CSMD1: variants seen among roughly 807,000 people sequenced by gnomAD.
The protein encoded by CSMD1 is CUB and Sushi multiple domains 1, also known as CUB and sushi domain-containing protein 1.
CSMD1 carries 213 observed loss-of-function variants against 417.5 expected under a neutral mutation model. That is an observed-to-expected ratio of 0.51 (90% CI 0.46 to 0.57). The LOEUF is 0.57. CSMD1 is among the 20% of genes least tolerant of loss of function. The probability of loss-of-function intolerance (pLI) is 0.00; values close to 1 mark genes in which losing one functional copy is unlikely to be tolerated. For missense variants in CSMD1, 6,923 were observed against 4,529.7 expected, an observed-to-expected ratio of 1.53 and a Z score of -15.17; for synonymous variants, 2,862 against 1,736.8, an observed-to-expected ratio of 1.65 and a Z score of -16.11.
intron 65 of CSMD1, among the ~76,000 whole-genome samples, chr8:2,952,682 T>TA (rs199781430): frequency 2.1e-5 from 3 of 145,002 alleles, no homozygotes; most frequent in East Asian, 2.1e-4. Flanking sequence ...TTAAAGTACA[T>TA]AAAAAATATC....
At chr8:4,826,163 T>C (rs376076220) in intron 1 of CSMD1, among the ~76,000 whole-genome samples, 15 of 152,162 alleles carry the variant, frequency 9.9e-5, no homozygotes, top group African/African-American at 3.6e-4. Context: ...CAAATCAGGA[T>C]CTTGTAGAGA....
intron 3 of CSMD1, among the ~76,000 whole-genome samples, chr8:4,314,824 G>A (rs1313509314): frequency 6.6e-6 from 1 of 152,186 alleles, no homozygotes; most frequent in African/African-American, 2.4e-5. Flanking sequence ...AAAGGGCAAA[G>A]GATTTTGTAA....
chr8:3,843,492 T>C (rs1803267499), intron 5 of CSMD1, among the ~76,000 whole-genome samples: 1 of 151,806 alleles, frequency 6.6e-6, no homozygotes, highest in Non-Finnish European at 1.5e-5. Context: ...TTTGTGTACA[T>C]GAAACATGAG....
At chr8:3,753,701 G>A (rs1316156162) in intron 6 of CSMD1, among the ~76,000 whole-genome samples, 1 of 152,112 alleles carries the variant, frequency 6.6e-6, no homozygotes, top group South Asian at 2.1e-4. Context: ...CTTAGCAATT[G>A]TTCCAGTGTA....
At chr8:3,900,989 T>C (rs1259021639) in intron 5 of CSMD1, among the ~76,000 whole-genome samples, 1 of 152,248 alleles carries the variant, frequency 6.6e-6, no homozygotes, top group Non-Finnish European at 1.5e-5. Flanking sequence ...TGATTTTTCA[T>C]TATTGCTAGC....
At chr8:4,097,942 C>T (rs990995558) in intron 3 of CSMD1, among the ~76,000 whole-genome samples, 1 of 152,120 alleles carries the variant, frequency 6.6e-6, no homozygotes, top group Admixed American at 6.6e-5. Flanking sequence ...AAGTTAATTT[C>T]TGTTTGATCA....
chr8:4,957,275 T>C (rs1160787512), intron 1 of CSMD1, among the ~76,000 whole-genome samples: 1 of 152,134 alleles, frequency 6.6e-6, no homozygotes, highest in East Asian at 1.9e-4. Context: ...GGCTTGAAAT[T>C]CTCACCCCAC....
intron 2 of CSMD1, among the ~76,000 whole-genome samples, chr8:4,578,515 T>A (rs532458499): frequency 6.6e-6 from 1 of 151,650 alleles, no homozygotes; most frequent in Non-Finnish European, 1.5e-5. Context: ...ATTTCCTGTT[T>A]TATTATAAAA....
chr8:4,253,550 T>C (rs571074221), intron 3 of CSMD1, among the ~76,000 whole-genome samples: 95 of 152,286 alleles, frequency 6.2e-4, no homozygotes, highest in Non-Finnish European at 1.1e-3. Context: ...TTATTTAATC[T>C]TGGAGAACAT....
rs966013428 is a variant in CSMD1 at position 4,927,025 on chromosome 8, A to G, written c.85+67307T>C. ...CAAAGCAGTAGACATCCCGTATCTA[A>G]AAGACATGCTTCAGCATTCCTTTTA... On this transcript the variant is annotated intron_variant, in intron 1 of 69. Transcript: ENST00000635120. Among the ~76,000 whole-genome samples the G allele has an allele frequency of 2.1e-4, 32 of 151,810 alleles. 1 individual carries two copies. Among genetic ancestry groups the G allele is most frequent in the Admixed American group, 1.6e-3 (24 of 15,228 alleles).
chr8:4,323,583 T>C (rs934668139), intron 3 of CSMD1, among the ~76,000 whole-genome samples: 1 of 152,124 alleles, frequency 6.6e-6, no homozygotes, highest in Non-Finnish European at 1.5e-5. Flanking sequence ...CCAAGGTGTT[T>C]GAGTGGCTGA....
chr8:4,929,794 T>A (rs1807122880), intron 1 of CSMD1, among the ~76,000 whole-genome samples: 1 of 152,140 alleles, frequency 6.6e-6, no homozygotes, highest in Non-Finnish European at 1.5e-5. Context: ...GGAGAGAGAA[T>A]TCAGCCACCT....
At chr8:4,078,573 C>A (rs1799953630) in intron 3 of CSMD1, among the ~76,000 whole-genome samples, 1 of 151,228 alleles carries the variant, frequency 6.6e-6, no homozygotes. Flanking sequence ...TGATATCCAA[C>A]TTTTTAAACA....
intron 7 of CSMD1, among the ~76,000 whole-genome samples, chr8:3,648,660 T>C (rs533176542): frequency 6.6e-6 from 1 of 152,290 alleles, no homozygotes; most frequent in South Asian, 2.1e-4. Context: ...GACCTTACTT[T>C]GAAACATACG....
chr8:3,239,567 G>C (rs1365818583), intron 26 of CSMD1, among the ~76,000 whole-genome samples: 3 of 151,984 alleles, frequency 2.0e-5, no homozygotes, highest in African/African-American at 2.4e-5. Flanking sequence ...GTGTAGGGAA[G>C]GGTGGGGGCC....
intron 3 of CSMD1, among the ~76,000 whole-genome samples, chr8:4,382,594 G>C (rs1452217608): frequency 1.3e-5 from 2 of 152,194 alleles, no homozygotes; most frequent in African/African-American, 2.4e-5. Context: ...AAAGACTTGA[G>C]TATCCATTAA....
intron 3 of CSMD1, among the ~76,000 whole-genome samples, chr8:4,343,288 G>A (rs1480002999): frequency 6.6e-6 from 1 of 152,072 alleles, no homozygotes; most frequent in Non-Finnish European, 1.5e-5. Context: ...TGAATATAGA[G>A]AGATATTGGC....
intron 12 of CSMD1, among the ~76,000 whole-genome samples, chr8:3,455,398 G>T (rs921200985): frequency 6.6e-6 from 1 of 152,194 alleles, no homozygotes; most frequent in Non-Finnish European, 1.5e-5. Context: ...CTGATTTTTA[G>T]AGTCTCCAGT....
At chr8:3,490,097 A>C (rs1286857213) in intron 11 of CSMD1, among the ~76,000 whole-genome samples, 5 of 152,184 alleles carry the variant, frequency 3.3e-5, no homozygotes, top group Admixed American at 3.3e-4. Context: ...ATTCAAAGAG[A>C]CTAGCTGTGA....
Sources: allele counts gnomAD v4.1 joint callset (sites outside exome capture counted in the v4.1 genomes callset), GRCh38; gene constraint gnomAD v4.1.1; transcripts MANE v1.5; gene names NCBI Gene and HGNC (gene_info 2026-07-23, HGNC 2026-07-21).